The following VASP variants were observed in gnomAD, a reference collection of about 807,000 sequenced individuals.
The protein encoded by VASP is vasodilator stimulated phosphoprotein.
Under a neutral mutation model 54.4 loss-of-function variants are expected in VASP, and 27 were observed. That is an observed-to-expected ratio of 0.50 (90% CI 0.37 to 0.68). The LOEUF (loss-of-function observed/expected upper bound fraction) is 0.68, where lower values mean the gene tolerates loss of function less well. Ranked by LOEUF, VASP falls within the 30% of genes least tolerant of loss-of-function variation. The pLI is 0.00. For missense variants in VASP, 488 were observed against 528.3 expected, an observed-to-expected ratio of 0.92 and a Z score of 0.75; for synonymous variants, 233 against 209.8, an observed-to-expected ratio of 1.11 and a Z score of -0.96.
chr19:45,512,748 C>T (rs991817327), intron 1 of VASP, among the ~76,000 whole-genome samples: 9 of 151,918 alleles, frequency 5.9e-5, no homozygotes, highest in African/African-American at 1.9e-4. Context: ...TACAGGCGCC[C>T]GCCACCACGC....
Position 45,522,393 on chromosome 19 carries a change from C to T in VASP, c.532C>T (p.Pro178Ser). The change falls in exon 6 of 13, where the codon CCT (proline) becomes TCT (serine). Residue 178 changes from proline to serine, a missense_variant. This residue lies in a region of VASP where 226 missense variants were observed against 196.0 expected (regional missense o/e 1.15). Transcript: ENST00000245932. ...TCCACCCCCACCACCAGGACCTCCC[C>T]CTCCTCCAGGTCCCCCCCCACCCCC... ...GGPPPPPGPP[P>S]PPGPPPPPGL... The T allele has an allele frequency of 1.3e-6, 2 of 1,536,408 alleles. No individual in the cohort carries two copies. The highest frequency in any genetic ancestry group is 8.8e-7 in the Non-Finnish European group (1 of 1,137,640).
intron 1 of VASP, among the ~76,000 whole-genome samples, chr19:45,516,983 CAAAAA>C (rs112095290): frequency 8.6e-5 from 5 of 57,860 alleles, no homozygotes; most frequent in South Asian, 6.6e-4. Flanking sequence ...GACTCTGTCT[CAAAAA>C]AAAAAAAAAA....
chr19:45,509,444 C>T (rs958056506), intron 1 of VASP, among the ~76,000 whole-genome samples: 1 of 152,022 alleles, frequency 6.6e-6, no homozygotes, highest in African/African-American at 2.4e-5. Flanking sequence ...TGGCGGATGT[C>T]CGAGTTAGTG....
At chr19:45,521,811 C>T (rs192355183) in intron 4 of VASP, among the ~76,000 whole-genome samples, 3 of 151,982 alleles carry the variant, frequency 2.0e-5, no homozygotes, top group African/African-American at 4.8e-5. Context: ...ATCGCTTGAA[C>T]CCGGGAGGCA....
intron 1 of VASP, among the ~76,000 whole-genome samples, chr19:45,512,725 A>G (rs962582769): frequency 6.6e-6 from 1 of 150,520 alleles, no homozygotes; most frequent in Non-Finnish European, 1.5e-5. Context: ...TCAGCCTCCC[A>G]AGTAGCTGGG....
intron 1 of VASP, among the ~76,000 whole-genome samples, chr19:45,511,439 A>T (rs1226321202): frequency 6.6e-6 from 1 of 152,168 alleles, no homozygotes; most frequent in African/African-American, 2.4e-5. Flanking sequence ...ACTGAGTTTC[A>T]GAGAGGCAAA....
chr19:45,518,720 A>C (rs12608829), intron 3 of VASP, among the ~76,000 whole-genome samples: 20,630 of 152,264 alleles, frequency 0.14, 1,623 homozygotes, highest in East Asian at 0.34. Context: ...GCTGGTGTGC[A>C]CTGGCACAAT....
At chr19:45,521,267 A>G (rs1280770768) in intron 3 of VASP, 55 bp from the exon 4 acceptor site, 5 of 1,498,634 alleles carry the variant, frequency 3.3e-6, no homozygotes, top group Admixed American at 2.0e-5. Flanking sequence ...GGAAGCGCCA[A>G]GAGCTGAGCA....
chr19:45,507,848 C>G lies in VASP; in HGVS notation c.5+72C>G, dbSNP rs954418037. 2.0e-5 allele frequency: 20 copies of G among 986,852 alleles called. No individual in the cohort carries two copies. Among genetic ancestry groups the G allele is most frequent in the Middle Eastern group, 2.4e-4 (1 of 4,142 alleles). The allele number at this position is 986,852 out of a possible 1,614,324, so 61.1% of individuals were successfully genotyped here. Reference sequence around the variant, plus strand: ...GCGCCCCGCCTTTGTCCCCCTCCCCCCCAGCTAGCTCCGGGCTGGAATTTG... The same window carrying G: ...GCGCCCCGCCTTTGTCCCCCTCCCCGCCAGCTAGCTCCGGGCTGGAATTTG... On this transcript the variant is annotated intron_variant, in intron 1 of 12. Coordinates refer to ENST00000245932, the MANE Select transcript of VASP (RefSeq NM_003370.4). This position sits in a 1 kb window ranked among gnomAD's most constrained non-coding sequence, Gnocchi z 4.4.
chr19:45,509,851 G>T (rs1373855062), intron 1 of VASP, among the ~76,000 whole-genome samples: 1 of 152,216 alleles, frequency 6.6e-6, no homozygotes, highest in African/African-American at 2.4e-5. Flanking sequence ...CCTAGGCAAC[G>T]TTGGAGGGGT....
At chr19:45,514,079 A>G (rs977921887) in intron 1 of VASP, among the ~76,000 whole-genome samples, 8 of 152,104 alleles carry the variant, frequency 5.3e-5, no homozygotes, top group Admixed American at 2.0e-4. Context: ...CAGCTAAGGG[A>G]GTGAGGGACG....
rs1568388030 is a variant in VASP at position 45,518,079 on chromosome 19, C to CTAG, written c.329_331dup (p.Leu110_Glu111insVal). ...GTTTGCCGCCGGCATGGCCAGTGCC[C>CTAG]TAGAGGCGTTGGAAGGTCAGAAATG... On this transcript the variant is annotated inframe_insertion, in exon 3 of 13. Transcript: ENST00000245932. The CTAG allele has an allele frequency of 6.2e-7, 1 of 1,613,418 alleles. No homozygotes were observed. The highest frequency in any genetic ancestry group is 8.5e-7 in the Non-Finnish European group (1 of 1,179,876).
Position 45,507,669 on chromosome 19 carries a change from GCCTGAGCCGAGC to G in VASP, c.-100_-89del, listed in dbSNP as rs1280068207. On this transcript the variant is annotated 5_prime_UTR_variant, in exon 1 of 13. It removes the in-frame stop codon of an upstream open reading frame in the 5' UTR. Transcript: ENST00000245932. This position sits in a 1 kb window ranked among gnomAD's most constrained non-coding sequence, Gnocchi z 4.4. ...CTCTATGGGGCGGGACCCTGGGGGA[GCCTGAGCCGAGC>G]CCGGAGCCAGCCCCGAACCCCTGAA... is the stretch of plus-strand genomic sequence containing the variant. 5 of 1,451,780 alleles carry G rather than the reference GCCTGAGCCGAGC, an allele frequency of 3.4e-6. No individual in the cohort carries two copies. Among genetic ancestry groups the G allele is most frequent in the Non-Finnish European group, 4.6e-6 (5 of 1,083,052 alleles). 89.9% of individuals were successfully genotyped at this position (1,451,780 alleles called of 1,614,324 possible).
In VASP at chr19:45,522,329, G is replaced by A; in HGVS notation, c.479-11G>A. On this transcript the variant is annotated splice_polypyrimidine_tract_variant and intron_variant, in intron 5 of 12. Coordinates refer to ENST00000245932, the MANE Select transcript of VASP (RefSeq NM_003370.4). ...CTCTCTCAGCTGCCCCCTTTTCTGT[G>A]TTTGTTTCAGGAGGCCCACCTGCTC... is the stretch of plus-strand genomic sequence containing the variant. 6.2e-7 allele frequency: 1 copy of A among 1,609,156 alleles called. No homozygotes were observed. Among genetic ancestry groups the A allele is most frequent in the Non-Finnish European group, 8.5e-7 (1 of 1,178,044 alleles).
Position 45,526,267 on chromosome 19 carries a change from GAA to G in VASP, c.*91_*92del, listed in dbSNP as rs1044438771. The stretch of plus-strand genomic sequence containing the variant: ...GCCTCTACTTGACTTGGAATTGGCT[GAA>G]GACTACACAGGAATGCATCGTTCCC... On this transcript the variant is annotated 3_prime_UTR_variant, in exon 13 of 13. Coordinates refer to ENST00000245932, the MANE Select transcript of VASP (RefSeq NM_003370.4). The G allele has an allele frequency of 6.8e-7, 1 of 1,470,364 alleles. No individual in the cohort carries two copies. The highest frequency in any genetic ancestry group is 1.4e-5 in the African/African-American group (1 of 70,282). 91.1% of individuals were successfully genotyped at this position (1,470,364 alleles called of 1,614,324 possible). A position where few individuals can be genotyped will look rare whatever the true frequency, so the allele number is the denominator to read the frequency against.
chr19:45,523,661 T>G lies in VASP; in HGVS notation c.839T>G (p.Val280Gly). 1.2e-6 allele frequency: 2 copies of G among 1,614,070 alleles called. No individual in the cohort carries two copies. Among genetic ancestry groups the G allele is most frequent in the Non-Finnish European group, 1.7e-6 (2 of 1,180,008 alleles). Residue 280 changes from valine to glycine, a missense_variant, in exon 8 of 13, where the codon GTT (valine) becomes GGT (glycine). Val to Gly is a moderately radical substitution (Grantham distance 109, BLOSUM62 -3). Coordinates refer to ENST00000245932, the MANE Select transcript of VASP (RefSeq NM_003370.4). ...TCCTGCAGAAGGAAAGCCACGCAAG[T>G]TGGGGAGAAAACCCCCAAGGATGAA... Reference protein sequence around the residue: ...MLARRRKATQVGEKTPKDESA... With the variant: ...MLARRRKATQGGEKTPKDESA...
intron 1 of VASP, among the ~76,000 whole-genome samples, chr19:45,515,341 G>A (rs1417782658): frequency 1.3e-5 from 2 of 152,162 alleles, no homozygotes; most frequent in Admixed American, 1.3e-4. Flanking sequence ...GTGTGACCTT[G>A]GGCAAGTCAC....
intron 4 of VASP, 149 bp downstream of exon 4, chr19:45,521,555 T>G: frequency 1.4e-6 from 1 of 710,304 alleles, no homozygotes; most frequent in Non-Finnish European, 2.3e-6. Context: ...CAGAACCTCC[T>G]GGTCCCTGCA....
intron 1 of VASP, among the ~76,000 whole-genome samples, chr19:45,515,628 C>T (rs1444837225): frequency 6.6e-6 from 1 of 152,160 alleles, no homozygotes; most frequent in African/African-American, 2.4e-5. Flanking sequence ...CCTCCACCTC[C>T]TGGGTTCAAG....
Sources: allele counts gnomAD v4.1 joint callset (sites outside exome capture counted in the v4.1 genomes callset), GRCh38; gene constraint gnomAD v4.1.1; regional missense constraint gnomAD v4.1.1; non-coding constraint Gnocchi (gnomAD v3.1); transcripts MANE v1.5; gene names NCBI Gene and HGNC (gene_info 2026-07-23, HGNC 2026-07-21).